The following TRAPPC9 variants were observed in gnomAD, a reference collection of about 807,000 sequenced individuals.
TRAPPC9 encodes the protein trafficking protein particle complex subunit 9, also known as IKK2 binding protein.
In TRAPPC9, 83 loss-of-function variants were observed where a neutral mutation model predicts 124.0. The observed-to-expected ratio is 0.67, with a 90% CI of 0.56 to 0.80. The LOEUF is 0.80. Among genes scored for constraint, TRAPPC9 ranks in the 30% least tolerant of loss-of-function variants. The probability of loss-of-function intolerance (pLI) is 0.00; values close to 1 mark genes in which losing one functional copy is unlikely to be tolerated. For missense variants in TRAPPC9, 1,302 were observed against 1,508.3 expected, an observed-to-expected ratio of 0.86 and a Z score of 2.27; for synonymous variants, 638 against 617.5, an observed-to-expected ratio of 1.03 and a Z score of -0.49.
At chr8:140,380,266 A>G (rs530272319) in intron 7 of TRAPPC9, among the ~76,000 whole-genome samples, 2 of 152,364 alleles carry the variant, frequency 1.3e-5, no homozygotes, top group East Asian at 3.9e-4. Context: ...TAGAAAAAAA[A>G]TTATGATCAA....
intron 18 of TRAPPC9, among the ~76,000 whole-genome samples, chr8:139,990,074 C>T (rs1167643264): frequency 6.6e-6 from 1 of 152,190 alleles, no homozygotes; most frequent in Admixed American, 6.5e-5. Context: ...TCATTATTAT[C>T]AGCCTAGTGT....
chr8:140,175,114 A>T (rs796530957), intron 17 of TRAPPC9, among the ~76,000 whole-genome samples: 22 of 151,900 alleles, frequency 1.4e-4, no homozygotes, highest in African/African-American at 5.3e-4. Context: ...TTCAGTCGTC[A>T]AATCTCAGAA....
intron 5 of TRAPPC9, among the ~76,000 whole-genome samples, chr8:140,423,952 T>C (rs2070331782): frequency 6.6e-6 from 1 of 152,120 alleles, no homozygotes; most frequent in Non-Finnish European, 1.5e-5. Context: ...AATAGCTTAC[T>C]AGTTGCTTGG....
chr8:139,963,885 A>G (rs1835517702), intron 19 of TRAPPC9, among the ~76,000 whole-genome samples: 1 of 152,144 alleles, frequency 6.6e-6, no homozygotes, highest in Non-Finnish European at 1.5e-5. Flanking sequence ...TGATTAGTAA[A>G]TTATGGTATA....
intron 2 of TRAPPC9, among the ~76,000 whole-genome samples, chr8:140,443,144 A>AAAAAG: frequency 7.2e-6 from 1 of 138,258 alleles, no homozygotes; most frequent in East Asian, 2.2e-4. Context: ...AAAAAAAAAA[A>AAAAAG]AAAAAAAAAA....
chr8:140,393,026 ATTTTAT>A, intron 7 of TRAPPC9, among the ~76,000 whole-genome samples: 1 of 116,446 alleles, frequency 8.6e-6, no homozygotes, highest in African/African-American at 3.1e-5. Flanking sequence ...TATCATTCCC[ATTTTAT>A]TTTTATTTTA....
chr8:139,782,958 G>A (rs1821938203), intron 21 of TRAPPC9, among the ~76,000 whole-genome samples: 1 of 151,904 alleles, frequency 6.6e-6, no homozygotes, highest in South Asian at 2.1e-4. Flanking sequence ...TCAGGTCAAA[G>A]AAGAAATTAA....
intron 17 of TRAPPC9, among the ~76,000 whole-genome samples, chr8:140,201,868 T>C (rs1587913175): frequency 6.6e-6 from 1 of 152,170 alleles, no homozygotes; most frequent in East Asian, 1.9e-4. Context: ...AGCAGTGCCG[T>C]GTCAGGCGAG....
intron 17 of TRAPPC9, among the ~76,000 whole-genome samples, chr8:140,057,695 G>A (rs556589058): frequency 2.0e-5 from 3 of 152,314 alleles, no homozygotes; most frequent in South Asian, 4.1e-4. Context: ...GAAACGGACA[G>A]TTGTGTTCCA....
At chr8:140,059,610 T>A (rs1273323384) in intron 17 of TRAPPC9, among the ~76,000 whole-genome samples, 1 of 152,236 alleles carries the variant, frequency 6.6e-6, no homozygotes, top group African/African-American at 2.4e-5. Context: ...ACTGGTCTTC[T>A]GGGCAATGTG....
Position 140,257,203 on chromosome 8 carries a change from G to A in TRAPPC9, c.2279-4274C>T, listed in dbSNP as rs141596518. On this transcript the variant is annotated intron_variant, in intron 15 of 22. Transcript: ENST00000438773. The surrounding 1 kb of genome is among the most constrained non-coding windows in gnomAD (Gnocchi z 4.6). ...ATGAATGAGCAAACTAGAGTTCAGA[G>A]AGATCAAGCAGCTTTCCTAAGGGTA... Among the ~76,000 whole-genome samples the A allele has an allele frequency of 1.3e-5, 2 of 152,358 alleles. No individual in the cohort carries two copies. Among genetic ancestry groups the A allele is most frequent in the East Asian group, 3.9e-4 (2 of 5,180 alleles).
At chr8:140,306,144 A>T (rs2131853433) in intron 10 of TRAPPC9, among the ~76,000 whole-genome samples, 1 of 152,330 alleles carries the variant, frequency 6.6e-6, no homozygotes, top group East Asian at 1.9e-4. Context: ...GGCCCATGGC[A>T]TATCTTGGGG....
At chr8:140,375,127 G>T (rs941557957) in intron 7 of TRAPPC9, among the ~76,000 whole-genome samples, 1 of 152,144 alleles carries the variant, frequency 6.6e-6, no homozygotes, top group African/African-American at 2.4e-5. Context: ...ACAAGGAGCC[G>T]GGGAGTACAA....
intron 17 of TRAPPC9, among the ~76,000 whole-genome samples, chr8:140,141,122 TG>T (rs2061375890): frequency 6.6e-6 from 1 of 152,244 alleles, no homozygotes; most frequent in South Asian, 2.1e-4. Flanking sequence ...ATTAAAAGCA[TG>T]GGGAATTCGT....
intron 11 of TRAPPC9, among the ~76,000 whole-genome samples, chr8:140,291,505 C>T (rs2065659617): frequency 1.3e-5 from 2 of 152,344 alleles, no homozygotes; most frequent in Middle Eastern, 6.8e-3. Context: ...CTCCTCCCCA[C>T]CCACTCCCAG....
At chr8:140,119,931 T>C (rs1224854478) in intron 17 of TRAPPC9, among the ~76,000 whole-genome samples, 3 of 152,182 alleles carry the variant, frequency 2.0e-5, no homozygotes, top group Admixed American at 6.5e-5. Context: ...TCTATACACA[T>C]CTCAGTACCC....
At chr8:140,328,206 G>C (rs1002507585) in intron 9 of TRAPPC9, among the ~76,000 whole-genome samples, 1 of 152,084 alleles carries the variant, frequency 6.6e-6, no homozygotes, top group Non-Finnish European at 1.5e-5. Context: ...AGTAAGCCGA[G>C]ATCATGCCAC....
chr8:140,317,819 C>T (rs2066480326), intron 9 of TRAPPC9, among the ~76,000 whole-genome samples: 1 of 152,022 alleles, frequency 6.6e-6, no homozygotes, highest in Admixed American at 6.5e-5. Flanking sequence ...TAATAACAAA[C>T]TTCATTATTT....
chr8:140,127,721 C>T (rs948083805), intron 17 of TRAPPC9, among the ~76,000 whole-genome samples: 1 of 152,198 alleles, frequency 6.6e-6, no homozygotes, highest in Non-Finnish European at 1.5e-5. Context: ...ATTGCAAAGG[C>T]ATTCCCATCA....
Sources: allele counts gnomAD v4.1 joint callset (sites outside exome capture counted in the v4.1 genomes callset), GRCh38; gene constraint gnomAD v4.1.1; non-coding constraint Gnocchi (gnomAD v3.1); transcripts MANE v1.5; gene names NCBI Gene and HGNC (gene_info 2026-07-23, HGNC 2026-07-21).